The following ITIH5 variants were observed in gnomAD, a reference collection of about 807,000 sequenced individuals.
ITIH5 encodes inter-alpha-trypsin inhibitor heavy chain 5, also known as inter-alpha-trypsin inhibitor heavy chain H5.
Under a neutral mutation model 77.5 loss-of-function variants are expected in ITIH5, and 65 were observed. That is an observed-to-expected ratio of 0.84 (90% confidence interval 0.69 to 1.03). The LOEUF (loss-of-function observed/expected upper bound fraction) is 1.03. Ranked by LOEUF, ITIH5 falls within the 50% of genes least tolerant of loss-of-function variation. The pLI is 0.00. For missense variants in ITIH5, 1,208 were observed against 1,213.1 expected, an observed-to-expected ratio of 1.00 and a Z score of 0.06; for synonymous variants, 525 against 494.3, an observed-to-expected ratio of 1.06 and a Z score of -0.82.
At chr10:7,583,313 GA>G (rs1832605428) in intron 8 of ITIH5, among the ~76,000 whole-genome samples, 2 of 152,100 alleles carry the variant, frequency 1.3e-5, no homozygotes. Context: ...CATTTTATTG[GA>G]ATCACTAATT....
intron 1 of ITIH5, among the ~76,000 whole-genome samples, chr10:7,665,126 A>G (rs114723405): frequency 2.0e-3 from 306 of 152,380 alleles, no homozygotes; most frequent in African/African-American, 7.1e-3. Flanking sequence ...TTCAAGATAA[A>G]TAAATATTGT....
intron 2 of ITIH5, among the ~76,000 whole-genome samples, chr10:7,654,661 A>G (rs566711230): frequency 1.3e-5 from 2 of 152,316 alleles, no homozygotes; most frequent in South Asian, 4.1e-4. Flanking sequence ...AATGGCACAC[A>G]TGCTTTGACT....
At chr10:7,610,898 G>A (rs1833231703) in intron 7 of ITIH5, among the ~76,000 whole-genome samples, 1 of 152,190 alleles carries the variant, frequency 6.6e-6, no homozygotes, top group Non-Finnish European at 1.5e-5. Flanking sequence ...TGGCTAGCAA[G>A]GAATGGAATT....
intron 5 of ITIH5, among the ~76,000 whole-genome samples, chr10:7,636,489 T>G (rs759691486): frequency 2.0e-5 from 3 of 152,220 alleles, no homozygotes; most frequent in Admixed American, 6.5e-5. Context: ...ATATTTAACA[T>G]TATAGTACAT....
intron 7 of ITIH5, among the ~76,000 whole-genome samples, chr10:7,612,905 A>G (rs1156930378): frequency 6.6e-6 from 1 of 152,202 alleles, no homozygotes; most frequent in African/African-American, 2.4e-5. Context: ...TCATGCAGCC[A>G]TCAATGTCAC....
intron 2 of ITIH5, among the ~76,000 whole-genome samples, chr10:7,649,527 T>C (rs1834062709): frequency 6.6e-6 from 1 of 152,086 alleles, no homozygotes; most frequent in Non-Finnish European, 1.5e-5. Context: ...GATGGATAGA[T>C]AGATAGGTAG....
At chr10:7,634,654 A>G (rs541490184) in intron 5 of ITIH5, among the ~76,000 whole-genome samples, 1 of 152,276 alleles carries the variant, frequency 6.6e-6, no homozygotes, top group Admixed American at 6.5e-5. Context: ...CAAAACACAT[A>G]CACACCCCAC....
intron 1 of ITIH5, among the ~76,000 whole-genome samples, chr10:7,658,683 T>C (rs1056201560): frequency 3.3e-5 from 5 of 152,156 alleles, no homozygotes; most frequent in Non-Finnish European, 5.9e-5. Flanking sequence ...GCTTCCAGGT[T>C]ATACGTAGAT....
intron 2 of ITIH5, 77 bp downstream of exon 2, chr10:7,655,554 G>T: frequency 8.3e-7 from 1 of 1,209,690 alleles, no homozygotes; most frequent in Non-Finnish European, 1.2e-6. Context: ...GGATCTGCAA[G>T]CAAAGTGGAT....
intron 7 of ITIH5, among the ~76,000 whole-genome samples, chr10:7,612,239 A>C (rs1417726676): frequency 6.6e-6 from 1 of 152,144 alleles, no homozygotes; most frequent in East Asian, 1.9e-4. Flanking sequence ...AGGGTGAATA[A>C]ATGTTCTGCA....
intron 5 of ITIH5, among the ~76,000 whole-genome samples, chr10:7,627,240 A>C (rs1232684368): frequency 6.6e-6 from 1 of 151,902 alleles, no homozygotes; most frequent in Non-Finnish European, 1.5e-5. Context: ...CCACCATGGC[A>C]CATGTATACC....
chr10:7,625,137 G>A (rs967662328), intron 5 of ITIH5, among the ~76,000 whole-genome samples: 13 of 151,786 alleles, frequency 8.6e-5, no homozygotes, highest in Admixed American at 2.6e-4. Flanking sequence ...GTGGCACTTG[G>A]TGCAGACACA....
chr10:7,592,719 T>C (rs555789032), intron 7 of ITIH5, among the ~76,000 whole-genome samples: 1 of 152,198 alleles, frequency 6.6e-6, no homozygotes, highest in African/African-American at 2.4e-5. Context: ...AGGGGCGGCC[T>C]CAGCCAGGGT....
intron 1 of ITIH5, among the ~76,000 whole-genome samples, chr10:7,663,543 T>C (rs1834313030): frequency 6.6e-6 from 1 of 152,234 alleles, no homozygotes; most frequent in Non-Finnish European, 1.5e-5. Context: ...GTGTAATTTG[T>C]TGTGCTTTCT....
intron 2 of ITIH5, among the ~76,000 whole-genome samples, chr10:7,645,953 A>G (rs1258912749): frequency 6.6e-6 from 1 of 152,236 alleles, no homozygotes; most frequent in South Asian, 2.1e-4. Flanking sequence ...TTATCTTTCA[A>G]AAAAAGAACC....
At chr10:7,599,540 T>C (rs866380278) in intron 7 of ITIH5, among the ~76,000 whole-genome samples, 3 of 152,244 alleles carry the variant, frequency 2.0e-5, no homozygotes, top group South Asian at 2.1e-4. Flanking sequence ...TGTTTCATTG[T>C]ACAGGTGTTT....
In ITIH5 at chr10:7,616,027, G is replaced by C; in HGVS notation, c.894C>G (p.Phe298Leu). 6.2e-7 allele frequency: 1 copy of C among 1,613,598 alleles called. No homozygotes were observed. Among genetic ancestry groups the C allele is most frequent in the Admixed American group, 1.7e-5 (1 of 60,032 alleles). Residue 298 changes from phenylalanine (F) to leucine (L), a missense_variant, in exon 7 of 14, where the codon TTC becomes TTG. Coordinates refer to ENST00000397146, the MANE Select transcript of ITIH5 (RefSeq NM_030569.7). ...CCATAGAAGCACTGCTGTCAAGCACGAATACCACATTCTTGGGTAAAGGAG... is the reference window on the plus strand; with the variant it reads ...CCATAGAAGCACTGCTGTCAAGCACCAATACCACATTCTTGGGTAAAGGAG... ...DLPPLPKNVV[F>L]VLDSSASMVG...
At chr10:7,629,895 T>C (rs561695680) in intron 5 of ITIH5, among the ~76,000 whole-genome samples, 18 of 152,334 alleles carry the variant, frequency 1.2e-4, no homozygotes, top group African/African-American at 4.3e-4. Context: ...TCTAGTAACC[T>C]AGAAGGGTTT....
intron 5 of ITIH5, among the ~76,000 whole-genome samples, chr10:7,636,881 G>A (rs1833806096): frequency 6.6e-6 from 1 of 151,994 alleles, no homozygotes; most frequent in Non-Finnish European, 1.5e-5. Context: ...GTGAAACCCC[G>A]TCTCGACTAA....
Sources: allele counts gnomAD v4.1 joint callset (sites outside exome capture counted in the v4.1 genomes callset), GRCh38; gene constraint gnomAD v4.1.1; transcripts MANE v1.5; gene names NCBI Gene and HGNC (gene_info 2026-07-23, HGNC 2026-07-21).